TENM3: variants seen among roughly 807,000 people sequenced by gnomAD.
TENM3 encodes the protein teneurin-3.
A neutral mutation model predicts 255.1 loss-of-function variants in TENM3; 63 were observed. The observed-to-expected ratio is 0.25, with a 90% CI of 0.20 to 0.30. The LOEUF is 0.30. Ranked by LOEUF, TENM3 falls within the 10% of genes least tolerant of loss-of-function variation. The pLI is 1.00. For synonymous variants in TENM3, 1,306 were observed against 1,322.3 expected, an observed-to-expected ratio of 0.99 and a Z score of 0.27; for missense variants, 2,929 against 3,461.1, an observed-to-expected ratio of 0.85 and a Z score of 3.86.
chr4:181,624,132 A>G, the TENM3 span, among the ~76,000 whole-genome samples: 8 of 152,204 alleles, frequency 5.3e-5, no homozygotes, highest in African/African-American at 1.7e-4. Context: ...TCTGTATCCC[A>G]CAAGATGGGC....
the TENM3 span, among the ~76,000 whole-genome samples, chr4:181,712,775 A>G: frequency 6.6e-6 from 1 of 152,218 alleles, no homozygotes; most frequent in African/African-American, 2.4e-5. Context: ...ATATTTTAAA[A>G]ATAGAAATTA....
At chr4:182,401,482 A>G (rs1389740712) in intron 3 of TENM3, among the ~76,000 whole-genome samples, 1 of 152,214 alleles carries the variant, frequency 6.6e-6, no homozygotes, top group African/African-American at 2.4e-5. Flanking sequence ...TTCGTCCTAA[A>G]TGACTTTTGA....
At chr4:182,643,941 TC>T (rs1227648251) in intron 5 of TENM3, among the ~76,000 whole-genome samples, 11 of 152,364 alleles carry the variant, frequency 7.2e-5, no homozygotes, top group African/African-American at 2.4e-4. Flanking sequence ...TATCAGACTC[TC>T]TTTCCCATAT....
chr4:181,892,053 C>T, the TENM3 span, among the ~76,000 whole-genome samples: 1 of 152,164 alleles, frequency 6.6e-6, no homozygotes, highest in Non-Finnish European at 1.5e-5. Context: ...AGACACCAAA[C>T]CTGCCAATGC....
At chr4:181,538,923 C>T in the TENM3 span, among the ~76,000 whole-genome samples, 6 of 152,142 alleles carry the variant, frequency 3.9e-5, no homozygotes, top group East Asian at 5.8e-4. Flanking sequence ...ATGAAGATTA[C>T]ACCAAACCAA....
At chr4:182,288,211 C>T (rs1427196287) in intron 1 of TENM3, among the ~76,000 whole-genome samples, 1 of 152,110 alleles carries the variant, frequency 6.6e-6, no homozygotes, top group East Asian at 1.9e-4. Context: ...ACTGGGATTA[C>T]AGGCATGAGC....
In TENM3 at chr4:182,680,440, G is replaced by GT. The variant is rs386402555; in HGVS notation, c.1639+91_1639+92insT. 549 of 1,416,892 alleles carry GT rather than the reference G, an allele frequency of 3.9e-4. 1 individual carries two copies. Among genetic ancestry groups the GT allele is most frequent in the Non-Finnish European group, 4.8e-4 (479 of 1,004,694 alleles). The allele number at this position is 1,416,892 out of a possible 1,614,324, so 87.8% of individuals were successfully genotyped here. A position where few individuals can be genotyped will look rare whatever the true frequency, so the allele number is the denominator to read the frequency against. On this transcript the variant is annotated intron_variant, in intron 9 of 27. Transcript: ENST00000511685. ...AAACTACCGAGACAGGAAAGAAAGG[G>GT]GGGGGGAGACTGGCATATTGCTTGT...
chr4:182,377,820 G>C (rs1002754129), intron 3 of TENM3, among the ~76,000 whole-genome samples: 12 of 152,154 alleles, frequency 7.9e-5, no homozygotes, highest in Non-Finnish European at 1.3e-4. Flanking sequence ...CGTTATCCTA[G>C]ACTCTGTGGG....
intron 5 of TENM3, among the ~76,000 whole-genome samples, chr4:182,638,428 C>T (rs1752029700): frequency 6.6e-6 from 1 of 152,038 alleles, no homozygotes; most frequent in African/African-American, 2.4e-5. Context: ...CTAAGGAGGT[C>T]AGCACGTCTC....
At chr4:182,137,333 T>C in the TENM3 span, among the ~76,000 whole-genome samples, 2,391 of 100,514 alleles carry the variant, frequency 0.024, 21 homozygotes, top group African/African-American at 0.03. Context: ...CTCTGCCACC[T>C]CCCCCCCCCC....
chr4:182,071,509 G>A, the TENM3 span, among the ~76,000 whole-genome samples: 55,574 of 148,438 alleles, frequency 0.37, 12,075 homozygotes, highest in East Asian at 0.57. Context: ...GCAGTGGCGC[G>A]ATCTCGGCTC....
At chr4:181,616,813 C>T in the TENM3 span, among the ~76,000 whole-genome samples, 1 of 152,084 alleles carries the variant, frequency 6.6e-6, no homozygotes, top group Non-Finnish European at 1.5e-5. Flanking sequence ...CCTTTTTGTT[C>T]TACGTGTGTG....
intron 3 of TENM3, among the ~76,000 whole-genome samples, chr4:182,585,443 G>A (rs1437518103): frequency 6.6e-6 from 1 of 152,160 alleles, no homozygotes; most frequent in Non-Finnish European, 1.5e-5. Flanking sequence ...GGTCATCAGG[G>A]TGTAGCCCTG....
intron 26 of TENM3, among the ~76,000 whole-genome samples, chr4:182,795,172 G>A (rs570370707): frequency 8.0e-4 from 121 of 152,174 alleles, no homozygotes; most frequent in Middle Eastern, 3.4e-3. Context: ...ATGTGAACCA[G>A]CTGAAAGTCC....
chr4:181,967,082 T>G, the TENM3 span, among the ~76,000 whole-genome samples: 1 of 152,136 alleles, frequency 6.6e-6, no homozygotes, highest in Non-Finnish European at 1.5e-5. Context: ...AGCAGAGACT[T>G]TGCATGAAAG....
intron 3 of TENM3, among the ~76,000 whole-genome samples, chr4:182,498,194 A>G (rs181198826): frequency 2.0e-4 from 30 of 152,274 alleles, no homozygotes; most frequent in Non-Finnish European, 7.3e-5. Context: ...GGACCAAAAT[A>G]TATCTAAGAC....
the TENM3 span, among the ~76,000 whole-genome samples, chr4:182,098,541 G>T: frequency 1.3e-5 from 2 of 152,312 alleles, no homozygotes; most frequent in South Asian, 4.1e-4. Flanking sequence ...AACACCACTG[G>T]TGGAAGTGGG....
intron 13 of TENM3, among the ~76,000 whole-genome samples, chr4:182,715,076 G>A (rs761109499): frequency 6.6e-6 from 1 of 152,136 alleles, no homozygotes; most frequent in Non-Finnish European, 1.5e-5. Context: ...GAGAGACAGG[G>A]TTTCTCCATG....
intron 3 of TENM3, among the ~76,000 whole-genome samples, chr4:182,563,786 G>A (rs529062517): frequency 2.0e-4 from 30 of 152,226 alleles, no homozygotes; most frequent in Non-Finnish European, 3.5e-4. Flanking sequence ...TAGGAAAAAA[G>A]CTGTTACAAA....
Sources: allele counts gnomAD v4.1 joint callset (sites outside exome capture counted in the v4.1 genomes callset), GRCh38; gene constraint gnomAD v4.1.1; transcripts MANE v1.5; gene names NCBI Gene and HGNC (gene_info 2026-07-23, HGNC 2026-07-21).